Variants in GRIK2 observed in about 807,000 individuals in gnomAD.
The protein encoded by GRIK2 is glutamate receptor ionotropic, kainate 2.
A neutral mutation model predicts 100.3 loss-of-function variants in GRIK2; 32 were observed. The observed-to-expected ratio is 0.32, with a 90% CI of 0.24 to 0.43. The LOEUF (loss-of-function observed/expected upper bound fraction) is 0.43, where lower values mean the gene tolerates loss of function less well. GRIK2 is among the 20% of genes least tolerant of loss of function. The pLI, the probability that GRIK2 is intolerant of heterozygous loss-of-function variation, is 1.00. For missense variants in GRIK2, 843 were observed against 1,114.9 expected (o/e 0.76, Z 3.47); for synonymous variants, 417 against 389.4 (o/e 1.07, Z -0.83).
chr6:102,019,165 AT>A (rs754964354), intron 14 of GRIK2, among the ~76,000 whole-genome samples: 38 of 152,004 alleles, frequency 2.5e-4, no homozygotes, highest in Non-Finnish European at 4.6e-4. Flanking sequence ...ATCAGCTGAA[AT>A]TTAAGGCTAG....
intron 2 of GRIK2, among the ~76,000 whole-genome samples, chr6:101,489,790 G>T (rs2518236): frequency 1.4e-5 from 2 of 144,716 alleles, no homozygotes; most frequent in African/African-American, 5.3e-5. Context: ...TGAAATCCCA[G>T]CATTAGACAA....
intron 14 of GRIK2, among the ~76,000 whole-genome samples, chr6:102,010,329 C>T (rs1315332850): frequency 6.6e-6 from 1 of 151,644 alleles, no homozygotes; most frequent in African/African-American, 2.4e-5. Flanking sequence ...CTGTGTTCTC[C>T]CTATTCATCC....
At chr6:101,527,840 T>A (rs1582646929) in intron 2 of GRIK2, among the ~76,000 whole-genome samples, 1 of 152,330 alleles carries the variant, frequency 6.6e-6, no homozygotes, top group East Asian at 1.9e-4. Context: ...AAGAAAATTT[T>A]GGCAAGAGAG....
intron 2 of GRIK2, among the ~76,000 whole-genome samples, chr6:101,529,519 A>G (rs557889182): frequency 6.6e-6 from 1 of 152,198 alleles, no homozygotes; most frequent in East Asian, 1.9e-4. Flanking sequence ...TAATTTCAAC[A>G]TGCTGAATGC....
chr6:101,750,665 T>C (rs1776728494), intron 7 of GRIK2, among the ~76,000 whole-genome samples: 1 of 152,192 alleles, frequency 6.6e-6, no homozygotes, highest in African/African-American at 2.4e-5. Context: ...TATGCAATTA[T>C]TTTTCTGTAG....
intron 11 of GRIK2, among the ~76,000 whole-genome samples, chr6:101,872,216 C>A (rs1436469729): frequency 6.6e-6 from 1 of 151,846 alleles, no homozygotes; most frequent in Non-Finnish European, 1.5e-5. Context: ...AACATTAACC[C>A]AGTAACCATT....
intron 5 of GRIK2, among the ~76,000 whole-genome samples, chr6:101,681,800 A>T (rs1771276314): frequency 6.6e-6 from 1 of 152,172 alleles, no homozygotes; most frequent in South Asian, 2.1e-4. Flanking sequence ...CTCTTCATTC[A>T]ACTAAAAATG....
intron 4 of GRIK2, among the ~76,000 whole-genome samples, chr6:101,671,884 T>C (rs1460968781): frequency 1.3e-5 from 2 of 151,904 alleles, no homozygotes; most frequent in African/African-American, 4.8e-5. Context: ...AAAAACTACT[T>C]AGTATTATTT....
intron 2 of GRIK2, among the ~76,000 whole-genome samples, chr6:101,449,172 T>C (rs1372299654): frequency 6.6e-6 from 1 of 151,688 alleles, no homozygotes; most frequent in Non-Finnish European, 1.5e-5. Context: ...TTTACCAAAA[T>C]TTTAACCTCA....
At chr6:101,725,498 G>A (rs1473288124) in intron 7 of GRIK2, among the ~76,000 whole-genome samples, 1 of 151,938 alleles carries the variant, frequency 6.6e-6, no homozygotes, top group African/African-American at 2.4e-5. Context: ...TATTTGCCTT[G>A]TATATCTGTG....
chr6:101,653,217 C>T (rs1263967308), intron 4 of GRIK2, among the ~76,000 whole-genome samples: 1 of 152,066 alleles, frequency 6.6e-6, no homozygotes, highest in East Asian at 1.9e-4. Flanking sequence ...AGGCAGCTCT[C>T]ACTTATTTTG....
At chr6:101,396,251 C>A (rs907056742) in intron 1 of GRIK2, among the ~76,000 whole-genome samples, 39 of 150,482 alleles carry the variant, frequency 2.6e-4, no homozygotes, top group African/African-American at 8.3e-4. Flanking sequence ...TTCCCCCCCC[C>A]CCCAGGAAGT....
chr6:101,996,641 T>C (rs1000917965), intron 14 of GRIK2, among the ~76,000 whole-genome samples: 1 of 152,112 alleles, frequency 6.6e-6, no homozygotes, highest in Non-Finnish European at 1.5e-5. Context: ...ACGTTATTGC[T>C]GAAGAGTAGA....
At chr6:101,458,510 C>A (rs1287738088) in intron 2 of GRIK2, among the ~76,000 whole-genome samples, 5 of 152,196 alleles carry the variant, frequency 3.3e-5, no homozygotes. Flanking sequence ...GCAGTGCAGC[C>A]TCCAATGGTG....
At chr6:101,782,270 C>T (rs1189637789) in intron 7 of GRIK2, among the ~76,000 whole-genome samples, 2 of 152,182 alleles carry the variant, frequency 1.3e-5, no homozygotes, top group African/African-American at 2.4e-5. Flanking sequence ...AGTTACCCTA[C>T]TCTGCTATCA....
intron 7 of GRIK2, among the ~76,000 whole-genome samples, chr6:101,769,690 G>A (rs561606328): frequency 6.6e-6 from 1 of 152,090 alleles, no homozygotes; most frequent in African/African-American, 2.4e-5. Flanking sequence ...AACGAGGAAA[G>A]AATATTTTAT....
chr6:101,867,446 T>A (rs6933956), intron 11 of GRIK2, among the ~76,000 whole-genome samples: 105,922 of 151,472 alleles, frequency 0.7, 38,663 homozygotes, highest in East Asian at 0.92. Flanking sequence ...AACAAACTGG[T>A]TTCAGTGACA....
At chr6:101,778,367 A>G (rs1373727059) in intron 7 of GRIK2, among the ~76,000 whole-genome samples, 1 of 152,214 alleles carries the variant, frequency 6.6e-6, no homozygotes, top group Non-Finnish European at 1.5e-5. Context: ...TGTACACATT[A>G]TAAACTACAC....
chr6:101,399,310 A>G lies in GRIK2; in HGVS notation c.33A>G (p.Pro11=). Residue 11 remains proline (P), a synonymous_variant, in exon 2 of 17, where the codon CCA becomes CCG. Transcript: ENST00000369134. ...TTATTTTCCCGATTCTAAGTAATCC[A>G]GTCTTCAGGCGCACCGTTAAACTCC... The part of the protein sequence containing the change: MKIIFPILSN[P]VFRRTVKLLL... The G allele has an allele frequency of 6.3e-7, 1 of 1,586,726 alleles. No homozygotes were observed. Among genetic ancestry groups the G allele is most frequent in the Non-Finnish European group, 8.7e-7 (1 of 1,154,954 alleles).
Sources: allele counts gnomAD v4.1 joint callset (sites outside exome capture counted in the v4.1 genomes callset), GRCh38; gene constraint gnomAD v4.1.1; transcripts MANE v1.5; gene names NCBI Gene and HGNC (gene_info 2026-07-23, HGNC 2026-07-21).